Variants in TRIM23 observed in about 807,000 individuals in gnomAD.
The protein encoded by TRIM23 is E3 ubiquitin-protein ligase TRIM23.
A neutral mutation model predicts 71.0 loss-of-function variants in TRIM23; 27 were observed. That is an observed-to-expected ratio of 0.38 (90% CI 0.28 to 0.52). TRIM23 has a LOEUF of 0.52. TRIM23 is among the 20% of genes least tolerant of loss of function. The probability of loss-of-function intolerance (pLI) is 0.84; values close to 1 mark genes in which losing one functional copy is unlikely to be tolerated. For missense variants in TRIM23, 482 were observed against 692.3 expected (o/e 0.70, Z 3.41); for synonymous variants, 234 against 238.0 (o/e 0.98, Z 0.16).
intron 7 of TRIM23, 123 bp downstream of exon 7, chr5:65,604,788 G>A: frequency 1.1e-6 from 1 of 922,862 alleles, no homozygotes; most frequent in Non-Finnish European, 1.5e-6. Context: ...ACTGATAAAA[G>A]TTTTCTTAAA....
chr5:65,611,062 T>G lies in TRIM23; in HGVS notation c.646-19A>C. On this transcript the variant is annotated intron_variant, in intron 4 of 10. Coordinates refer to ENST00000231524, the MANE Select transcript of TRIM23 (RefSeq NM_001656.4). The stretch of plus-strand genomic sequence containing the variant: ...CTGAATGCTATAAAATGTACCATAA[T>G]TAGAGAAAAGAACTCATAGTATTGA... 1 of 1,588,046 alleles carries G rather than the reference T, an allele frequency of 6.3e-7. No individual in the cohort carries two copies. The highest frequency in any genetic ancestry group is 8.5e-7 in the Non-Finnish European group (1 of 1,171,528).
intron 7 of TRIM23, 50 bp from the exon 8 acceptor site, chr5:65,597,230 T>G: frequency 3.8e-6 from 6 of 1,561,832 alleles, no homozygotes; most frequent in Non-Finnish European, 5.3e-6. Context: ...TAGAAAGTAA[T>G]AGCATTTAGC....
At chr5:65,603,846 T>TA (rs1315288790) in intron 7 of TRIM23, among the ~76,000 whole-genome samples, 1 of 152,046 alleles carries the variant, frequency 6.6e-6, no homozygotes, top group Non-Finnish European at 1.5e-5. Context: ...AAGCAACCAT[T>TA]AAAAAAATTG....
intron 2 of TRIM23, among the ~76,000 whole-genome samples, chr5:65,614,605 G>A (rs1754733814): frequency 6.6e-6 from 1 of 151,812 alleles, no homozygotes; most frequent in Non-Finnish European, 1.5e-5. Context: ...TGTGGCGTCA[G>A]GCGCCCATAA....
rs755858875 is a variant in TRIM23 at position 65,624,291 on chromosome 5, C to T, written c.-17G>A. 2 of 1,613,430 alleles carry T rather than the reference C, an allele frequency of 1.2e-6. No homozygotes were observed. The highest frequency in any genetic ancestry group is 1.7e-6 in the Non-Finnish European group (2 of 1,179,946). On this transcript the variant is annotated 5_prime_UTR_variant, in exon 1 of 11. Transcript: ENST00000231524. Reference sequence around the variant, plus strand: ...GGTAGCCATCCTCGCAGGGGAAGCGCCACAGAAACAGCCTTCAGAGTCCTC... The same window carrying T: ...GGTAGCCATCCTCGCAGGGGAAGCGTCACAGAAACAGCCTTCAGAGTCCTC...
At chr5:65,609,504 G>A in intron 5 of TRIM23, 46 bp from the exon 6 acceptor site, 1 of 1,536,902 alleles carries the variant, frequency 6.5e-7, no homozygotes, top group Non-Finnish European at 8.8e-7. Flanking sequence ...TGTTAATAAA[G>A]ATTTTACCTG....
At chr5:65,616,463 G>A (rs551258163) in intron 2 of TRIM23, among the ~76,000 whole-genome samples, 3 of 151,728 alleles carry the variant, frequency 2.0e-5, no homozygotes, top group Admixed American at 2.0e-4. Context: ...CCAACATGGT[G>A]AAACCCCATC....
chr5:65,591,387 G>A lies in TRIM23; in HGVS notation c.*382C>T. 6.4e-7 allele frequency: 1 copy of A among 1,552,948 alleles called. No homozygotes were observed. The highest frequency in any genetic ancestry group is 8.7e-7 in the Non-Finnish European group (1 of 1,153,230). ...CTATACTTCACTTGCTTCACACAGA[G>A]GTCTCATTAGGCACTCAATTGGCTA... On this transcript the variant is annotated 3_prime_UTR_variant, in exon 11 of 11. Coordinates refer to ENST00000231524, the MANE Select transcript of TRIM23 (RefSeq NM_001656.4).
intron 1 of TRIM23, among the ~76,000 whole-genome samples, chr5:65,620,651 G>C (rs1242336387): frequency 6.6e-6 from 1 of 152,098 alleles, no homozygotes; most frequent in Admixed American, 6.6e-5. Flanking sequence ...AGTAACATTG[G>C]AACACTGGTT....
At position 65,618,284 on chromosome 5, in the gene TRIM23, T is replaced by G; in HGVS notation, c.82-29A>C. 1.9e-6 allele frequency: 3 copies of G among 1,573,106 alleles called. No individual in the cohort carries two copies. The South Asian group carries it at 3.6e-5, about 19-fold the overall frequency. On this transcript the variant is annotated intron_variant, in intron 1 of 10. Coordinates refer to ENST00000231524, the MANE Select transcript of TRIM23 (RefSeq NM_001656.4). ...ATATTTGAAAAGGAAGGATGTGCTC[T>G]TTAAACAATTTTAAAAGCATACATA... is the stretch of plus-strand genomic sequence containing the variant.
At chr5:65,593,703 T>C (rs1754106349) in intron 10 of TRIM23, among the ~76,000 whole-genome samples, 1 of 152,206 alleles carries the variant, frequency 6.6e-6, no homozygotes, top group South Asian at 2.1e-4. Context: ...GCTCAAGGTC[T>C]AGGAATCTTC....
At chr5:65,594,770 CAG>C (rs1754150455) in intron 9 of TRIM23, 125 bp from the exon 10 acceptor site, 8 of 889,724 alleles carry the variant, frequency 9.0e-6, no homozygotes, top group Non-Finnish European at 9.5e-6. Flanking sequence ...TATTTTCACA[CAG>C]AGGGTGCCTA....
intron 9 of TRIM23, among the ~76,000 whole-genome samples, chr5:65,595,676 C>T (rs915304016): frequency 1.3e-4 from 20 of 151,370 alleles, no homozygotes; most frequent in African/African-American, 4.9e-4. Context: ...CCATGAAATG[C>T]AATCATGCCA....
At chr5:65,595,763 T>C (rs1019574282) in intron 9 of TRIM23, among the ~76,000 whole-genome samples, 2 of 151,818 alleles carry the variant, frequency 1.3e-5, no homozygotes, top group East Asian at 1.9e-4. Flanking sequence ...TTATGGCTCA[T>C]AATAATATCA....
chr5:65,609,234 A>C lies in TRIM23; in HGVS notation c.1044+9T>G. The C allele has an allele frequency of 6.2e-7, 1 of 1,614,034 alleles. No homozygotes were observed. On this transcript the variant is annotated intron_variant, in intron 6 of 10. Coordinates refer to ENST00000231524, the MANE Select transcript of TRIM23 (RefSeq NM_001656.4). ...CAACTAAGTCCCTAACCACATTTAA[A>C]CTACCTACCTGCTGCAAAGTCTTTT...
intron 8 of TRIM23, 45 bp from the exon 9 acceptor site, chr5:65,596,576 AATG>A: frequency 8.7e-7 from 1 of 1,149,340 alleles, no homozygotes; most frequent in South Asian, 1.3e-5. Context: ...TTGTATTTAC[AATG>A]AATGACATAT....
At chr5:65,600,155 C>G (rs909921375) in intron 7 of TRIM23, among the ~76,000 whole-genome samples, 6 of 152,112 alleles carry the variant, frequency 3.9e-5, no homozygotes, top group African/African-American at 1.4e-4. Context: ...GGGGATGATA[C>G]TAAACCATTC....
chr5:65,605,895 C>T (rs1659394271), intron 6 of TRIM23, among the ~76,000 whole-genome samples: 1 of 152,190 alleles, frequency 6.6e-6, no homozygotes, highest in Non-Finnish European at 1.5e-5. Context: ...CTCTTTCCCG[C>T]ATGCCCTACG....
chr5:65,620,346 T>C (rs2150644271), intron 1 of TRIM23, among the ~76,000 whole-genome samples: 1 of 152,202 alleles, frequency 6.6e-6, no homozygotes, highest in South Asian at 2.1e-4. Flanking sequence ...TGTGACAAAA[T>C]CTGTATGTTA....
Sources: allele counts gnomAD v4.1 joint callset (sites outside exome capture counted in the v4.1 genomes callset), GRCh38; gene constraint gnomAD v4.1.1; transcripts MANE v1.5; gene names NCBI Gene and HGNC (gene_info 2026-07-23, HGNC 2026-07-21).